TCF7L2: variants seen among roughly 807,000 people sequenced by gnomAD.
TCF7L2 encodes the protein transcription factor 7-like 2.
TCF7L2 carries 23 observed loss-of-function variants against 77.9 expected under a neutral mutation model. That is an observed-to-expected ratio of 0.30 (90% CI 0.21 to 0.42). The LOEUF is 0.42. TCF7L2 is among the 10% of genes least tolerant of loss of function. The pLI is 1.00. For missense variants in TCF7L2, 654 were observed against 793.1 expected (o/e 0.82, Z 2.11); for synonymous variants, 413 against 340.2 (o/e 1.21, Z -2.36).
At chr10:113,097,107 G>A (rs2061070551) in intron 5 of TCF7L2, among the ~76,000 whole-genome samples, 1 of 152,140 alleles carries the variant, frequency 6.6e-6, no homozygotes, top group African/African-American at 2.4e-5. Context: ...AGGGCAGGTT[G>A]GGAGGGGTCC....
At chr10:113,160,802 C>A in intron 13 of TCF7L2, 1 of 982,716 alleles carries the variant, frequency 1.0e-6, no homozygotes. Flanking sequence ...CCTCTGGCAT[C>A]AATGACTAAT....
In TCF7L2 at chr10:112,950,702, CTTTTCTTCCTCCTTCAT is replaced by C. The variant is rs1357431772; in HGVS notation, c.-45_-29del. ...ACTTTTTGGGGGTGATTTTTTTTGG[CTTTTCTTCCTCCTTCAT>C]TTTTCTTCCAAAATTGCTGCTGGTG... On this transcript the variant is annotated 5_prime_UTR_variant, in exon 1 of 14. Transcript: ENST00000627217. 1.3e-6 allele frequency: 2 copies of C among 1,513,478 alleles called. No homozygotes were observed. The highest frequency in any genetic ancestry group is 1.4e-5 in the African/African-American group (1 of 70,064). 93.8% of individuals were successfully genotyped at this position (1,513,478 alleles called of 1,614,324 possible).
chr10:113,013,077 T>A (rs2046729508), intron 4 of TCF7L2, among the ~76,000 whole-genome samples: 1 of 151,600 alleles, frequency 6.6e-6, no homozygotes, highest in South Asian at 2.1e-4. Flanking sequence ...CAGCTCACGC[T>A]TAAGACCTGA....
chr10:113,056,539 C>G (rs955733868), intron 5 of TCF7L2, among the ~76,000 whole-genome samples: 3 of 152,124 alleles, frequency 2.0e-5, no homozygotes, highest in African/African-American at 7.2e-5. Flanking sequence ...TCATGCAAGT[C>G]TGATGCTGAG....
In TCF7L2 at chr10:113,089,428, A is replaced by C. The variant is rs1413915701; in HGVS notation, c.552+49302A>C. 3 of 1,613,610 alleles carry C rather than the reference A, an allele frequency of 1.9e-6. No homozygotes were observed. In the African/African-American group the frequency reaches 4.0e-5, roughly 22 times the overall value. ...CCCCTCCCTTGCTGCACTCAGGGAC[A>C]TGACTGTCAGCACTTCTACCCCCCC... On this transcript the variant is annotated intron_variant, in intron 5 of 13. Transcript: ENST00000627217.
In TCF7L2 at chr10:113,151,919, C is replaced by A. The variant is rs193051881; in HGVS notation, c.1161+35C>A. The A allele has an allele frequency of 1.7e-6, 2 of 1,208,520 alleles. No individual in the cohort carries two copies. The highest frequency in any genetic ancestry group is 2.6e-5 in the South Asian group (2 of 76,590). 74.9% of individuals were successfully genotyped at this position (1,208,520 alleles called of 1,614,324 possible). The stretch of plus-strand genomic sequence containing the variant: ...GCCCTTCTCAGGGAGAAGCGGGGGG[C>A]GGGTGGTGAGGGACCAGAGTGCAGC... On this transcript the variant is annotated intron_variant, in intron 10 of 13. Transcript: ENST00000627217. This position sits in a 1 kb window ranked among gnomAD's most constrained non-coding sequence, Gnocchi z 5.2.
Position 113,082,597 on chromosome 10 carries a change from T to TTGTGTG in TCF7L2, c.552+42488_552+42493dup, listed in dbSNP as rs61608659. 5.3e-5 allele frequency among the ~76,000 whole-genome samples: 8 copies of TTGTGTG among 150,010 alleles called. No individual in the cohort carries two copies. In the South Asian group the frequency reaches 8.4e-4, roughly 16 times the overall value. Reference sequence around the variant, plus strand: ...TCAGTAAAAGAAATCTTCATTCTGCTTGTGTGTGTGTGTGTGTGTGTGCAC... The same window carrying TTGTGTG: ...TCAGTAAAAGAAATCTTCATTCTGCTTGTGTGTGTGTGTGTGTGTGTGTGTGTGCAC... On this transcript the variant is annotated intron_variant, in intron 5 of 13. Coordinates refer to ENST00000627217, the MANE Select transcript of TCF7L2 (RefSeq NM_001146274.2).
intron 4 of TCF7L2, among the ~76,000 whole-genome samples, chr10:113,009,443 A>G (rs946677007): frequency 6.6e-6 from 1 of 152,170 alleles, no homozygotes; most frequent in African/African-American, 2.4e-5. Context: ...GCCTGCATTC[A>G]TTATACATGT....
At chr10:113,001,727 G>A (rs1373440079) in intron 4 of TCF7L2, among the ~76,000 whole-genome samples, 3 of 152,078 alleles carry the variant, frequency 2.0e-5, no homozygotes, top group Non-Finnish European at 4.4e-5. Flanking sequence ...GATCATACTC[G>A]TTGTTTACAC....
rs140831877 is a variant in TCF7L2 at position 113,056,313 on chromosome 10, C to T, written c.552+16187C>T. Among the ~76,000 whole-genome samples the T allele has an allele frequency of 4.3e-3, 653 of 152,242 alleles. 3 individuals carry two copies. The highest frequency in any genetic ancestry group is 0.015 in the African/African-American group (618 of 41,534). On this transcript the variant is annotated intron_variant, in intron 5 of 13. Coordinates refer to ENST00000627217, the MANE Select transcript of TCF7L2 (RefSeq NM_001146274.2). ...AATACCGCGCCTCATTGCCTTCTTG[C>T]GAATTACTTGGGATTTGTTTGAATC...
chr10:112,959,990 T>C (rs944347388), intron 3 of TCF7L2, among the ~76,000 whole-genome samples: 1 of 152,148 alleles, frequency 6.6e-6, no homozygotes, highest in Non-Finnish European at 1.5e-5. Context: ...CTGTTTTTTT[T>C]TTTAATATAG....
chr10:113,029,524 C>CTTT (rs35839723), intron 4 of TCF7L2, among the ~76,000 whole-genome samples: 9 of 130,190 alleles, frequency 6.9e-5, no homozygotes, highest in African/African-American at 8.6e-5. Flanking sequence ...CTCCATTCCT[C>CTTT]TTTTTTTTTT....
chr10:113,085,554 C>A (rs2059748750), intron 5 of TCF7L2, among the ~76,000 whole-genome samples: 10 of 152,176 alleles, frequency 6.6e-5, no homozygotes, highest in Admixed American at 5.9e-4. Flanking sequence ...TGAATATTAC[C>A]CAGCTAGTTG....
chr10:113,161,440 T>C lies in TCF7L2; in HGVS notation c.1391+749T>C, dbSNP rs142021639. The C allele has an allele frequency of 2.5e-5, 22 of 877,080 alleles. No individual in the cohort carries two copies. The African/African-American group carries it at 3.5e-4, about 14-fold the overall frequency. 54.3% of individuals were successfully genotyped at this position (877,080 alleles called of 1,614,324 possible). A position where few individuals can be genotyped will look rare whatever the true frequency, so the allele number is the denominator to read the frequency against. On this transcript the variant is annotated intron_variant, in intron 13 of 13. Coordinates refer to ENST00000627217, the MANE Select transcript of TCF7L2 (RefSeq NM_001146274.2). ...AGCACCCATGTTCCACCTGCAGGTC[T>C]CCATCCAGCCTGCATTCTCAGGGAA...
chr10:113,157,930 TTCC>T, intron 11 of TCF7L2, 88 bp from the exon 12 acceptor site: 1 of 1,355,788 alleles, frequency 7.4e-7, no homozygotes, highest in Non-Finnish European at 1.0e-6. Context: ...GTATGGTCAC[TTCC>T]TCCTGCCTTC....
At chr10:112,963,843 C>A (rs2035889134) in intron 3 of TCF7L2, among the ~76,000 whole-genome samples, 1 of 152,172 alleles carries the variant, frequency 6.6e-6, no homozygotes, top group Admixed American at 6.5e-5. Context: ...CAGTGACTTA[C>A]ATTCACTCAG....
chr10:112,998,965 G>A (rs980906434), intron 4 of TCF7L2, among the ~76,000 whole-genome samples: 1 of 152,138 alleles, frequency 6.6e-6, no homozygotes, highest in Non-Finnish European at 1.5e-5. Flanking sequence ...TGGATTTGAG[G>A]CTCTCTGTGC....
intron 5 of TCF7L2, among the ~76,000 whole-genome samples, chr10:113,079,558 C>G (rs139260844): frequency 0.017 from 2,531 of 152,266 alleles, 83 homozygotes; most frequent in African/African-American, 0.058. Flanking sequence ...TGGGGGGAAC[C>G]CTCAACAATC....
chr10:113,141,467 A>T, intron 6 of TCF7L2, 151 bp downstream of exon 6: 2 of 1,134,094 alleles, frequency 1.8e-6, no homozygotes, highest in Non-Finnish European at 2.5e-6. Flanking sequence ...CTGGGTGTTG[A>T]AAAGGAAGCT....
Sources: gnomAD v4.1 joint callset for allele counts (sites outside exome capture counted in the v4.1 genomes callset) on GRCh38, gnomAD v4.1.1 for gene constraint, Gnocchi (gnomAD v3.1) non-coding constraint, MANE v1.5 for transcripts, NCBI Gene and HGNC (gene_info 2026-07-23, HGNC 2026-07-21) for gene names.